ABCB7: variants seen among roughly 807,000 people sequenced by gnomAD.
The protein encoded by ABCB7 is ATP binding cassette subfamily B member 7.
In ABCB7, 7 loss-of-function variants were observed where a neutral mutation model predicts 54.4. That is an observed-to-expected ratio of 0.13 (90% CI 0.07 to 0.24). The LOEUF is 0.24. ABCB7 is among the 10% of genes least tolerant of loss of function. The pLI is 1.00. For synonymous variants in ABCB7, 218 were observed against 207.1 expected (o/e 1.05, Z -0.45); for missense variants, 356 against 570.4 (o/e 0.62, Z 3.83).
intron 15 of ABCB7, among the ~76,000 whole-genome samples, chrX:75,058,895 A>C (rs2081261653): frequency 8.9e-6 from 1 of 111,869 alleles, no homozygotes; most frequent in Admixed American, 9.5e-5. Flanking sequence ...AAGATTCTTG[A>C]ACATCAATGA....
chrX:75,088,582 C>T (rs191207359), intron 4 of ABCB7, among the ~76,000 whole-genome samples: 4 of 110,927 alleles, frequency 3.6e-5, no homozygotes, highest in African/African-American at 6.5e-5. Context: ...AGCTTGAAGA[C>T]GTATGTCAGT....
chrX:75,127,034 G>C (rs771684874), intron 1 of ABCB7, among the ~76,000 whole-genome samples: 1 of 111,676 alleles, frequency 9.0e-6, no homozygotes, highest in Non-Finnish European at 1.9e-5. Flanking sequence ...TGGAAAAAAA[G>C]GGACTCCTCT....
At chrX:75,087,941 C>G (rs893177034) in intron 4 of ABCB7, among the ~76,000 whole-genome samples, 8 of 111,877 alleles carry the variant, frequency 7.2e-5, no homozygotes, top group Non-Finnish European at 1.1e-4. Context: ...CTCCACTAAT[C>G]TAATCAAAGA....
rs752113839 is a variant in ABCB7, at chrX:75,053,522, C to G, written c.2107G>C (p.Glu703Gln). ...CGGCTGCTCTGTGTATGCCACATTT[C>G]TGAATAGATACTATGAGGGTTAGCA... ...LLANPHSIYS[E>Q]MWHTQSSRVQ... The change falls in exon 16 of 16, where the codon GAA becomes CAA. Residue 703 changes from glutamate to glutamine, a missense_variant. By Grantham distance (29) the Glu-to-Gln change is conservative. Transcript: ENST00000373394. 26 of 1,206,810 alleles carry G rather than the reference C, an allele frequency of 2.2e-5. No homozygotes were observed. Among genetic ancestry groups the G allele is most frequent in the Non-Finnish European group, 2.8e-5 (25 of 893,084 alleles).
chrX:75,069,538 A>T, intron 10 of ABCB7, 84 bp from the exon 11 acceptor site: 2 of 998,404 alleles, frequency 2.0e-6, no homozygotes, highest in Non-Finnish European at 1.4e-6. Flanking sequence ...CACAGAAAGA[A>T]AAAGGATATA....
At chrX:75,109,343 A>G (rs948295952) in intron 3 of ABCB7, among the ~76,000 whole-genome samples, 3 of 112,214 alleles carry the variant, frequency 2.7e-5, no homozygotes, top group African/African-American at 6.5e-5. Context: ...AATTGAATAC[A>G]CATTCTGTTT....
intron 1 of ABCB7, among the ~76,000 whole-genome samples, chrX:75,145,529 T>A (rs1206065590): frequency 9.0e-6 from 1 of 111,599 alleles, no homozygotes; most frequent in African/African-American, 3.3e-5. Context: ...AAATTCAACA[T>A]CTATTCATGT....
At position 75,062,381 on chromosome X, in the gene ABCB7, G is replaced by C; in HGVS notation, c.1882C>G (p.Pro628Ala). ...GTAGCTTCATCATAGAGTATGACTG[G>C]GGGGTCCTTCAAAATGGCTCTTGCA... Reference protein sequence around the residue: ...AIARAILKDPPVILYDEATSS... With the variant: ...AIARAILKDPAVILYDEATSS... Residue 628 changes from proline (P) to alanine (A), a missense_variant, in exon 14 of 16, where the codon CCA (proline) becomes GCA (alanine). By Grantham distance (27) the Pro-to-Ala change is conservative (BLOSUM62 -1). Transcript: ENST00000373394. The C allele has an allele frequency of 3.3e-6, 4 of 1,210,730 alleles. No homozygotes were observed. The highest frequency in any genetic ancestry group is 4.5e-6 in the Non-Finnish European group (4 of 894,807).
chrX:75,103,513 A>G (rs2081656529), intron 3 of ABCB7, among the ~76,000 whole-genome samples: 1 of 111,239 alleles, frequency 9.0e-6, no homozygotes, highest in African/African-American at 3.3e-5. Flanking sequence ...TTTTGTTACT[A>G]TAGCGTTATA....
At chrX:75,087,730 T>G (rs1437240714) in intron 4 of ABCB7, among the ~76,000 whole-genome samples, 1 of 112,189 alleles carries the variant, frequency 8.9e-6, no homozygotes, top group East Asian at 2.8e-4. Flanking sequence ...TTACCTAGTC[T>G]GATAGTTTGA....
chrX:75,084,544 G>A (rs2081480898), intron 4 of ABCB7, among the ~76,000 whole-genome samples: 1 of 111,506 alleles, frequency 9.0e-6, no homozygotes, highest in South Asian at 3.7e-4. Flanking sequence ...AAACAAAAGA[G>A]AAAATCTTAA....
At chrX:75,115,599 A>C (rs2081809386) in intron 1 of ABCB7, among the ~76,000 whole-genome samples, 1 of 107,836 alleles carries the variant, frequency 9.3e-6, no homozygotes, top group Admixed American at 1.0e-4. Flanking sequence ...CGGAATGCTA[A>C]ATTTATATAC....
At chrX:75,136,166 A>G (rs913128526) in intron 1 of ABCB7, among the ~76,000 whole-genome samples, 7 of 111,498 alleles carry the variant, frequency 6.3e-5, no homozygotes, top group African/African-American at 2.3e-4. Flanking sequence ...TACAAAATCA[A>G]TGTACAAAAA....
chrX:75,116,874 G>A (rs769081159), intron 1 of ABCB7, among the ~76,000 whole-genome samples: 1 of 110,890 alleles, frequency 9.0e-6, no homozygotes, highest in African/African-American at 3.3e-5. Context: ...CAAAAACCAA[G>A]ATAGCGACAA....
At chrX:75,093,939 A>G (rs1379438915) in intron 4 of ABCB7, among the ~76,000 whole-genome samples, 4 of 105,047 alleles carry the variant, frequency 3.8e-5, no homozygotes, top group Non-Finnish European at 7.7e-5. Context: ...AATCCTTCAT[A>G]AAGCCTTCCC....
chrX:75,142,616 A>G (rs1384982934), intron 1 of ABCB7, among the ~76,000 whole-genome samples: 3 of 112,294 alleles, frequency 2.7e-5, no homozygotes, highest in South Asian at 7.4e-4. Flanking sequence ...CCATTCATCC[A>G]CCAGTCCAAC....
intron 12 of ABCB7, among the ~76,000 whole-genome samples, chrX:75,065,445 C>A (rs2081311120): frequency 9.0e-6 from 1 of 111,331 alleles, no homozygotes; most frequent in African/African-American, 3.3e-5. Context: ...TCATTCCAGA[C>A]TTCTTCCTGT....
At chrX:75,100,017 T>C (rs5981768) in intron 3 of ABCB7, among the ~76,000 whole-genome samples, 1,488 of 111,336 alleles carry the variant, frequency 0.013, 17 homozygotes, top group African/African-American at 0.046. Context: ...ATTTGCTATA[T>C]ATTACAAGCT....
At chrX:75,141,682 T>C (rs748029130) in intron 1 of ABCB7, among the ~76,000 whole-genome samples, 8 of 111,804 alleles carry the variant, frequency 7.2e-5, no homozygotes, top group Non-Finnish European at 1.1e-4. Context: ...TCCTGATTGT[T>C]TCCTTAAGAC....
Sources: allele counts gnomAD v4.1 joint callset (sites outside exome capture counted in the v4.1 genomes callset), GRCh38; gene constraint gnomAD v4.1.1; transcripts MANE v1.5; gene names NCBI Gene and HGNC (gene_info 2026-07-23, HGNC 2026-07-21).